The following TRAF2 variants were observed in gnomAD, a reference collection of about 807,000 sequenced individuals.
TRAF2 encodes the protein TNF receptor associated factor 2.
In TRAF2, 6 loss-of-function variants were observed where a neutral mutation model predicts 55.6. The ratio of observed to expected loss-of-function variants is 0.11; its 90% CI spans 0.06 to 0.21. The LOEUF (loss-of-function observed/expected upper bound fraction) is 0.21. Among genes scored for constraint, TRAF2 ranks in the 10% least tolerant of loss-of-function variants. The pLI is 1.00. For synonymous variants in TRAF2, 329 were observed against 276.3 expected, an observed-to-expected ratio of 1.19 and a Z score of -1.89; for missense variants, 561 against 684.5, an observed-to-expected ratio of 0.82 and a Z score of 2.01.
chr9:136,915,174 C>T (rs377458924), intron 6 of TRAF2, among the ~76,000 whole-genome samples: 39 of 151,930 alleles, frequency 2.6e-4, no homozygotes, highest in African/African-American at 9.4e-4. Flanking sequence ...AGAGAAACTC[C>T]GTCTCAAAAA....
chr9:136,909,235 T>TGCATTTCTGCGGTGCACAG (rs11271971), intron 5 of TRAF2, among the ~76,000 whole-genome samples: 1 of 16,608 alleles, frequency 6.0e-5, no homozygotes, highest in East Asian at 3.0e-3. Context: ...TTGGTGAGAA[T>TGCATTTCTGCGGTGCACAG]AGCGCCATGT....
chr9:136,919,117 G>A (rs866558352), intron 7 of TRAF2, among the ~76,000 whole-genome samples: 2 of 150,390 alleles, frequency 1.3e-5, no homozygotes, highest in Non-Finnish European at 3.0e-5. Context: ...TGGAAGTGCA[G>A]TGGCACCATC....
At chr9:136,912,858 TGTG>T (rs1354998242) in intron 6 of TRAF2, among the ~76,000 whole-genome samples, 7 of 151,584 alleles carry the variant, frequency 4.6e-5, no homozygotes, top group Admixed American at 2.0e-4. Context: ...CAAGGCCAGT[TGTG>T]GTGGCTCACA....
In TRAF2 at chr9:136,912,192, TCA is replaced by T. The variant is rs759496258; in HGVS notation, c.603+2200_603+2201del. 3.0e-4 allele frequency among the ~76,000 whole-genome samples: 35 copies of T among 115,346 alleles called. 1 individual carries two copies. The highest frequency in any genetic ancestry group is 5.5e-4 in the Non-Finnish European group (32 of 58,698). 75.7% of individuals were successfully genotyped at this position (115,346 alleles called of 152,430 possible). On this transcript the variant is annotated intron_variant, in intron 6 of 10. Coordinates refer to ENST00000247668, the MANE Select transcript of TRAF2 (RefSeq NM_021138.4). ...TTTTTTTTTTTTTGGAGACAGAGTC[TCA>T]CTCTGTCGTCAGGCTGGAAGTGCAG...
intron 1 of TRAF2, among the ~76,000 whole-genome samples, chr9:136,889,998 C>T (rs1849544120): frequency 6.9e-6 from 1 of 144,830 alleles, no homozygotes; most frequent in East Asian, 2.1e-4. Context: ...TGTGAGAGTC[C>T]CCACCGCACG....
intron 6 of TRAF2, among the ~76,000 whole-genome samples, chr9:136,910,414 G>C (rs1850076404): frequency 6.6e-6 from 1 of 152,212 alleles, no homozygotes; most frequent in Non-Finnish European, 1.5e-5. Flanking sequence ...CGTGAAATGT[G>C]GGTGGCTCGC....
At chr9:136,882,889 T>G, upstream of TRAF2, 1 of 331,172 alleles carries the variant, frequency 3.0e-6, no homozygotes, top group Non-Finnish European at 4.3e-6. Flanking sequence ...TCAATATTAT[T>G]AGACAGAGTC....
intron 6 of TRAF2, among the ~76,000 whole-genome samples, chr9:136,912,149 GC>G (rs1404794939): frequency 7.7e-6 from 1 of 130,082 alleles, no homozygotes. Flanking sequence ...ACTGCGTCTG[GC>G]CCTTTTTTTT....
At position 136,924,514 on chromosome 9, in the gene TRAF2, A is replaced by G. The variant is rs534493577; in HGVS notation, c.1287+514A>G. 8.8e-4 allele frequency among the ~76,000 whole-genome samples: 133 copies of G among 151,326 alleles called. No individual in the cohort carries two copies. In the Middle Eastern group the frequency reaches 0.037, roughly 43 times the overall value. Reference sequence around the variant, plus strand: ...TAGGTTGAGGCTGCAGTGAGCCGAGATCACGCTACTGCACTGCAGCCTGGG... The same window carrying G: ...TAGGTTGAGGCTGCAGTGAGCCGAGGTCACGCTACTGCACTGCAGCCTGGG... On this transcript the variant is annotated intron_variant, in intron 10 of 10. Coordinates refer to ENST00000247668, the MANE Select transcript of TRAF2 (RefSeq NM_021138.4).
intron 10 of TRAF2, among the ~76,000 whole-genome samples, chr9:136,924,951 C>A (rs370541065): frequency 1.5e-3 from 222 of 152,298 alleles, no homozygotes; most frequent in South Asian, 0.012. Context: ...GTTGGCCAGG[C>A]TGGTCTTGAT....
chr9:136,911,959 C>T (rs1850120634), intron 6 of TRAF2, among the ~76,000 whole-genome samples: 1 of 149,442 alleles, frequency 6.7e-6, no homozygotes, highest in Non-Finnish European at 1.5e-5. Context: ...ACGCCATTCT[C>T]CTGCCTCAGC....
chr9:136,924,951 C>G (rs370541065), intron 10 of TRAF2, among the ~76,000 whole-genome samples: 5 of 152,182 alleles, frequency 3.3e-5, no homozygotes, highest in Non-Finnish European at 7.3e-5. Flanking sequence ...GTTGGCCAGG[C>G]TGGTCTTGAT....
At chr9:136,911,600 C>A (rs963280346) in intron 6 of TRAF2, among the ~76,000 whole-genome samples, 1 of 152,190 alleles carries the variant, frequency 6.6e-6, no homozygotes, top group Admixed American at 6.5e-5. Context: ...AGGGCCTCAT[C>A]TTCAGACTGA....
intron 7 of TRAF2, among the ~76,000 whole-genome samples, chr9:136,919,066 T>TTATTTATTTATG (rs1297752565): frequency 6.7e-6 from 1 of 149,778 alleles, no homozygotes; most frequent in Non-Finnish European, 1.5e-5. Context: ...ATTTATTTAT[T>TTATTTATTTATG]TATTTATTTT....
In TRAF2 at chr9:136,905,832, C is replaced by T. The variant is rs183536577; in HGVS notation, c.367-2238C>T. On this transcript the variant is annotated intron_variant, in intron 4 of 10. Transcript: ENST00000247668. ...GGTAAGATGGCTCTACCGCCGGGCG[C>T]GGTGGCTCACACCTGTAATCCCAGC... Among the ~76,000 whole-genome samples the T allele has an allele frequency of 3.7e-4, 56 of 152,230 alleles. No individual in the cohort carries two copies. The South Asian group carries it at 4.6e-3, about 12-fold the overall frequency.
upstream of TRAF2, among the ~76,000 whole-genome samples, chr9:136,885,123 G>A (rs1849421453): frequency 6.6e-6 from 1 of 152,232 alleles, no homozygotes; most frequent in African/African-American, 2.4e-5. Flanking sequence ...TTGGGGCGGA[G>A]GGGAATTCCA....
At chr9:136,907,750 G>A (rs1251739023) in intron 4 of TRAF2, among the ~76,000 whole-genome samples, 4 of 152,182 alleles carry the variant, frequency 2.6e-5, no homozygotes, top group African/African-American at 9.7e-5. Context: ...CTGGCGCAGA[G>A]CAGGGACTGT....
chr9:136,882,799 C>T (rs1043600883), upstream of TRAF2: 17 of 959,104 alleles, frequency 1.8e-5, no homozygotes, highest in Admixed American at 6.2e-5. Context: ...GTGGGGAGGC[C>T]GCTTCCCAAT....
At chr9:136,922,618 T>TG (rs1460176606) in intron 9 of TRAF2, 2 of 95,998 alleles carry the variant, frequency 2.1e-5, no homozygotes, top group Non-Finnish European at 4.2e-5. Flanking sequence ...AGGACGAGGA[T>TG]GGGGAGGATG....
Sources: allele counts gnomAD v4.1 joint callset (sites outside exome capture counted in the v4.1 genomes callset), GRCh38; gene constraint gnomAD v4.1.1; transcripts MANE v1.5; gene names NCBI Gene and HGNC (gene_info 2026-07-23, HGNC 2026-07-21).